Variants in CELF2 observed in about 807,000 individuals in gnomAD.
CELF2 encodes CUGBP Elav-like family member 2.
CELF2 carries 8 observed loss-of-function variants against 62.6 expected under a neutral mutation model. The ratio of observed to expected loss-of-function variants is 0.13; its 90% CI spans 0.07 to 0.23. The LOEUF is 0.23. Ranked by LOEUF, CELF2 falls within the 10% of genes least tolerant of loss-of-function variation. The pLI, the probability that CELF2 is intolerant of heterozygous loss-of-function variation, is 1.00. For missense variants in CELF2, 333 were observed against 671.0 expected (o/e 0.50, Z 5.56); for synonymous variants, 258 against 250.0 (o/e 1.03, Z -0.30).
chr10:10,683,403 T>C, the CELF2 span, among the ~76,000 whole-genome samples: 6 of 152,358 alleles, frequency 3.9e-5, no homozygotes, highest in South Asian at 4.1e-4. Context: ...ATTTTCATGC[T>C]TGTGTTTTCC....
At position 11,244,310 on chromosome 10, in the gene CELF2, C is replaced by A. The variant is rs2074942372; in HGVS notation, c.355-4843C>A. On this transcript the variant is annotated intron_variant, in intron 3 of 12. Coordinates refer to ENST00000633077, the MANE Select transcript of CELF2 (RefSeq NM_001326342.2). This position sits in a 1 kb window ranked among gnomAD's most constrained non-coding sequence, Gnocchi z 4.2. ...GTCCAGCCTATGAACATATCCCTCACTGTTAGTCTTGTGCTTTAGGTGTCT... is the reference window on the plus strand; with the variant it reads ...GTCCAGCCTATGAACATATCCCTCAATGTTAGTCTTGTGCTTTAGGTGTCT... Among the ~76,000 whole-genome samples the A allele has an allele frequency of 6.6e-6, 1 of 152,246 alleles. No homozygotes were observed. The highest frequency in any genetic ancestry group is 6.5e-5 in the Admixed American group (1 of 15,286).
the CELF2 span, among the ~76,000 whole-genome samples, chr10:10,759,867 A>G: frequency 6.6e-6 from 1 of 152,142 alleles, no homozygotes. Context: ...TGATATTCCT[A>G]TATAGAAATA....
chr10:11,258,843 C>T (rs767044530), intron 5 of CELF2, among the ~76,000 whole-genome samples: 11 of 152,322 alleles, frequency 7.2e-5, no homozygotes, highest in South Asian at 2.1e-4. Context: ...CACGCTACCA[C>T]GCCTGGCCAA....
At chr10:10,552,653 G>A in the CELF2 span, among the ~76,000 whole-genome samples, 49 of 152,278 alleles carry the variant, frequency 3.2e-4, no homozygotes, top group Middle Eastern at 3.4e-3. Context: ...TCTGCATCAC[G>A]GCTAGAGAGG....
intron 9 of CELF2, among the ~76,000 whole-genome samples, chr10:11,292,382 G>C (rs1235656014): frequency 6.6e-6 from 1 of 152,266 alleles, no homozygotes; most frequent in East Asian, 1.9e-4. Flanking sequence ...TGAATGAGCA[G>C]TGGGAAATGA....
At chr10:10,653,993 A>C in the CELF2 span, among the ~76,000 whole-genome samples, 1 of 151,780 alleles carries the variant, frequency 6.6e-6, no homozygotes, top group Non-Finnish European at 1.5e-5. Flanking sequence ...AGAAAAAAAG[A>C]GAGAAGAATC....
chr10:10,476,189 T>C, the CELF2 span, among the ~76,000 whole-genome samples: 1 of 147,546 alleles, frequency 6.8e-6, no homozygotes, highest in Non-Finnish European at 1.5e-5. Flanking sequence ...GCCATTTGTG[T>C]TTACAAGGAA....
At chr10:10,666,533 C>T in the CELF2 span, among the ~76,000 whole-genome samples, 853 of 152,240 alleles carry the variant, frequency 5.6e-3, 11 homozygotes, top group African/African-American at 0.019. Flanking sequence ...TCTCAGAAAC[C>T]GCCAAGATTC....
chr10:10,759,937 C>T, the CELF2 span, among the ~76,000 whole-genome samples: 1 of 152,126 alleles, frequency 6.6e-6, no homozygotes, highest in Non-Finnish European at 1.5e-5. Flanking sequence ...TGGAGTTTCG[C>T]TCTTGTTACA....
upstream of CELF2, among the ~76,000 whole-genome samples, chr10:11,014,627 T>G (rs979631246): frequency 5.3e-5 from 8 of 151,060 alleles, no homozygotes; most frequent in African/African-American, 1.5e-4. Flanking sequence ...TTGAGTGTGT[T>G]TTTTTTTTAA....
At chr10:10,959,809 G>A (rs1928721) in intron 2 of CELF2, among the ~76,000 whole-genome samples, 1,555 of 152,300 alleles carry the variant, frequency 0.01, 8 homozygotes, top group Non-Finnish European at 0.014. Flanking sequence ...TCCCTTTGTG[G>A]AAAATGTGTC....
chr10:10,571,119 C>T, the CELF2 span, among the ~76,000 whole-genome samples: 2 of 151,982 alleles, frequency 1.3e-5, no homozygotes, highest in Non-Finnish European at 2.9e-5. Flanking sequence ...TTAATACTTT[C>T]AGAAGCAAAT....
chr10:11,103,204 G>A (rs1211682008), intron 1 of CELF2, among the ~76,000 whole-genome samples: 6 of 152,076 alleles, frequency 3.9e-5, no homozygotes, highest in South Asian at 2.1e-4. Flanking sequence ...AAAAATCCAC[G>A]CTTTGCCAGA....
In CELF2 at chr10:11,117,035, G is replaced by A. The variant is rs922010429; in HGVS notation, c.75-48451G>A. Among the ~76,000 whole-genome samples the A allele has an allele frequency of 2.6e-5, 4 of 152,180 alleles. No individual in the cohort carries two copies. Among genetic ancestry groups the A allele is most frequent in the Non-Finnish European group, 5.9e-5 (4 of 68,034 alleles). On this transcript the variant is annotated intron_variant, in intron 1 of 12. Coordinates refer to ENST00000633077, the MANE Select transcript of CELF2 (RefSeq NM_001326342.2). This position sits in a 1 kb window ranked among gnomAD's most constrained non-coding sequence, Gnocchi z 4.1. Reference sequence around the variant, plus strand: ...TGCCCAGGATCACACAGCTGGTAATGGCAGAACTTTCACGTGAACCTGAGC... The same window carrying A: ...TGCCCAGGATCACACAGCTGGTAATAGCAGAACTTTCACGTGAACCTGAGC...
the CELF2 span, among the ~76,000 whole-genome samples, chr10:10,511,578 G>C: frequency 1.9e-4 from 29 of 152,118 alleles, no homozygotes; most frequent in Non-Finnish European, 3.7e-4. Flanking sequence ...AATAAACTCA[G>C]CAGAGACCCT....
the CELF2 span, among the ~76,000 whole-genome samples, chr10:10,726,904 G>T: frequency 6.6e-6 from 1 of 152,212 alleles, no homozygotes; most frequent in African/African-American, 2.4e-5. Flanking sequence ...TACAGAAAGC[G>T]TGGCTGAGGA....
intron 9 of CELF2, among the ~76,000 whole-genome samples, chr10:11,298,634 G>A (rs1285014522): frequency 6.6e-6 from 1 of 152,132 alleles, no homozygotes; most frequent in Non-Finnish European, 1.5e-5. Context: ...TATTTTCTCA[G>A]TTGTGAAATA....
chr10:11,189,318 C>T (rs1267782530), intron 2 of CELF2, among the ~76,000 whole-genome samples: 1 of 152,166 alleles, frequency 6.6e-6, no homozygotes, highest in Admixed American at 6.5e-5. Context: ...TCTCTCTTCA[C>T]ATATATGTAT....
At chr10:10,648,176 C>T in the CELF2 span, among the ~76,000 whole-genome samples, 1 of 152,156 alleles carries the variant, frequency 6.6e-6, no homozygotes. Context: ...GCACCTCATC[C>T]CCATGTTGAC....
Sources: gnomAD v4.1 joint callset for allele counts (sites outside exome capture counted in the v4.1 genomes callset) on GRCh38, gnomAD v4.1.1 for gene constraint, Gnocchi (gnomAD v3.1) non-coding constraint, MANE v1.5 for transcripts, NCBI Gene and HGNC (gene_info 2026-07-23, HGNC 2026-07-21) for gene names.